The following PLPPR5 variants were observed in gnomAD, a reference collection of about 807,000 sequenced individuals.
PLPPR5 encodes the protein phospholipid phosphatase related 5.
Under a neutral mutation model 33.9 loss-of-function variants are expected in PLPPR5, and 16 were observed. The ratio of observed to expected loss-of-function variants is 0.47; its 90% CI spans 0.32 to 0.72. The LOEUF is 0.72. Ranked by LOEUF, PLPPR5 falls within the 30% of genes least tolerant of loss-of-function variation. PLPPR5 has a pLI of 0.03. For synonymous variants in PLPPR5, 163 were observed against 150.3 expected, an observed-to-expected ratio of 1.08 and a Z score of -0.62; for missense variants, 301 against 406.7, an observed-to-expected ratio of 0.74 and a Z score of 2.23.
chr1:98,914,786 C>G lies in PLPPR5; in HGVS notation c.933G>C (p.Gln311His), dbSNP rs1249570868. The part of the protein sequence containing the change: ...ESPLEKVTSV[Q>H]NHITAFAEVT ...ATTTAGAATTTAAATTGTGAGTCAC[C>G]TGTACAGATGTTACCTTTTCCAAAG... The change falls in exon 5 of 6, where the codon CAG (glutamine) becomes CAC (histidine). Residue 311 changes from glutamine to histidine, a missense_variant and splice_region_variant. By Grantham distance (24) the Gln-to-His change is conservative. Coordinates refer to ENST00000263177, the MANE Select transcript of PLPPR5 (RefSeq NM_001037317.2). 7 of 1,605,890 alleles carry G rather than the reference C, an allele frequency of 4.4e-6. No individual in the cohort carries two copies. The highest frequency in any genetic ancestry group is 5.1e-6 in the Non-Finnish European group (6 of 1,176,950).
chr1:98,899,319 A>C (rs944981644), intron 5 of PLPPR5, among the ~76,000 whole-genome samples: 1 of 152,214 alleles, frequency 6.6e-6, no homozygotes, highest in African/African-American at 2.4e-5. Flanking sequence ...CTGGATCAGA[A>C]TGTCTTGGTG....
chr1:98,919,677 A>G (rs1196347915), intron 4 of PLPPR5, among the ~76,000 whole-genome samples: 3 of 152,036 alleles, frequency 2.0e-5, no homozygotes, highest in South Asian at 4.1e-4. Flanking sequence ...CTGAGGGCCA[A>G]TTTGCACCAT....
chr1:98,966,236 CT>C (rs765270745), intron 1 of PLPPR5, among the ~76,000 whole-genome samples: 6 of 151,976 alleles, frequency 3.9e-5, no homozygotes, highest in Non-Finnish European at 7.4e-5. Flanking sequence ...AGAATGTATT[CT>C]TTTATAATAA....
At chr1:98,927,603 C>A (rs1649815286) in intron 3 of PLPPR5, among the ~76,000 whole-genome samples, 1 of 152,232 alleles carries the variant, frequency 6.6e-6, no homozygotes, top group South Asian at 2.1e-4. Flanking sequence ...TTACCTGCTG[C>A]AGGTGTACTA....
intron 1 of PLPPR5, among the ~76,000 whole-genome samples, chr1:98,961,517 C>T (rs189660409): frequency 6.6e-6 from 1 of 152,280 alleles, no homozygotes; most frequent in African/African-American, 2.4e-5. Flanking sequence ...GCATCATTAA[C>T]AATAGCAATG....
At chr1:98,977,663 T>C (rs1651909497) in intron 1 of PLPPR5, among the ~76,000 whole-genome samples, 1 of 151,424 alleles carries the variant, frequency 6.6e-6, no homozygotes, top group African/African-American at 2.4e-5. Flanking sequence ...TTCCTCATGC[T>C]GACATTTGAA....
At chr1:99,002,192 T>C (rs6681245) in intron 1 of PLPPR5, among the ~76,000 whole-genome samples, 25,153 of 151,978 alleles carry the variant, frequency 0.17, 2,186 homozygotes, top group East Asian at 0.26. Flanking sequence ...GGAAAACAAA[T>C]GCCAGCAGCA....
At chr1:98,900,000 A>C (rs959410982) in intron 5 of PLPPR5, among the ~76,000 whole-genome samples, 1 of 152,006 alleles carries the variant, frequency 6.6e-6, no homozygotes, top group Non-Finnish European at 1.5e-5. Flanking sequence ...CCACACTTTT[A>C]TCCCTTATTC....
chr1:98,943,246 G>T (rs1007747493), intron 3 of PLPPR5, among the ~76,000 whole-genome samples: 1 of 152,166 alleles, frequency 6.6e-6, no homozygotes. Flanking sequence ...TGACTTCATT[G>T]CCTGAAGAGG....
intron 5 of PLPPR5, among the ~76,000 whole-genome samples, chr1:98,894,386 T>C (rs1354553141): frequency 6.6e-6 from 1 of 152,030 alleles, no homozygotes; most frequent in African/African-American, 2.4e-5. Context: ...TATGATTGAA[T>C]TAAAACAATA....
intron 5 of PLPPR5, 144 bp from the exon 6 acceptor site, chr1:98,893,248 T>C (rs1160935201): frequency 4.7e-6 from 3 of 638,592 alleles, no homozygotes; most frequent in Non-Finnish European, 7.6e-6. Context: ...CTAAGTTTTA[T>C]GTATTATTAC....
intron 5 of PLPPR5, among the ~76,000 whole-genome samples, chr1:98,907,648 G>A (rs993625912): frequency 6.6e-6 from 1 of 152,124 alleles, no homozygotes; most frequent in African/African-American, 2.4e-5. Flanking sequence ...AAAATGAATG[G>A]GAAAAGATTC....
intron 1 of PLPPR5, among the ~76,000 whole-genome samples, chr1:98,999,993 A>G (rs1045271841): frequency 1.3e-4 from 20 of 152,090 alleles, no homozygotes; most frequent in Admixed American, 1.2e-3. Flanking sequence ...TAAATCATCT[A>G]TGTTGCTCAG....
chr1:98,967,518 T>C (rs550959525), intron 1 of PLPPR5, among the ~76,000 whole-genome samples: 46 of 152,190 alleles, frequency 3.0e-4, no homozygotes, highest in Non-Finnish European at 6.3e-4. Context: ...CACCAAAACT[T>C]GCACAAAAAG....
At chr1:98,896,967 A>T (rs1021826629) in intron 5 of PLPPR5, among the ~76,000 whole-genome samples, 4 of 152,262 alleles carry the variant, frequency 2.6e-5, no homozygotes, top group Middle Eastern at 3.4e-3. Flanking sequence ...GAGAAAATGC[A>T]AAAAGGGCAC....
At chr1:98,947,419 G>T (rs537922785) in intron 3 of PLPPR5, among the ~76,000 whole-genome samples, 1 of 152,272 alleles carries the variant, frequency 6.6e-6, no homozygotes, top group African/African-American at 2.4e-5. Flanking sequence ...TTAAGGTAAG[G>T]ATGCAGAGTA....
chr1:98,985,694 T>C (rs937885356), intron 1 of PLPPR5, among the ~76,000 whole-genome samples: 3 of 152,028 alleles, frequency 2.0e-5, no homozygotes, highest in Admixed American at 1.3e-4. Context: ...TTTAAATATG[T>C]TTATATACAC....
chr1:98,951,571 G>T (rs1241682227), intron 3 of PLPPR5, among the ~76,000 whole-genome samples: 4 of 152,118 alleles, frequency 2.6e-5, no homozygotes, highest in Non-Finnish European at 5.9e-5. Context: ...GTGAGGGATA[G>T]AATTAACTTG....
intron 5 of PLPPR5, among the ~76,000 whole-genome samples, chr1:98,896,253 A>G (rs1648468616): frequency 6.6e-6 from 1 of 152,092 alleles, no homozygotes; most frequent in Non-Finnish European, 1.5e-5. Context: ...TATTTTTCCC[A>G]TTAACATGGA....
Sources: allele counts gnomAD v4.1 joint callset (sites outside exome capture counted in the v4.1 genomes callset), GRCh38; gene constraint gnomAD v4.1.1; transcripts MANE v1.5; gene names NCBI Gene and HGNC (gene_info 2026-07-23, HGNC 2026-07-21).